Variants in DIAPH1 observed in about 807,000 individuals in gnomAD.
The protein encoded by DIAPH1 is diaphanous related formin 1.
DIAPH1 carries 46 observed loss-of-function variants against 140.7 expected under a neutral mutation model. The ratio of observed to expected loss-of-function variants is 0.33; its 90% CI spans 0.26 to 0.42. The LOEUF (loss-of-function observed/expected upper bound fraction) is 0.42. DIAPH1 is among the 10% of genes least tolerant of loss of function. The probability of loss-of-function intolerance (pLI) is 1.00; values close to 1 mark genes in which losing one functional copy is unlikely to be tolerated. For missense variants in DIAPH1, 1,310 were observed against 1,558.7 expected (o/e 0.84, Z 2.69); for synonymous variants, 565 against 551.6 (o/e 1.02, Z -0.34).
chr5:141,558,470 G>C (rs1366439284), intron 18 of DIAPH1: 2 of 152,154 alleles, frequency 1.3e-5, no homozygotes, highest in African/African-American at 4.8e-5. Flanking sequence ...TGGAAACTAC[G>C]TTCTTAAAGA....
At chr5:141,517,680 G>C (rs1286742295) in intron 27 of DIAPH1, among the ~76,000 whole-genome samples, 1 of 151,990 alleles carries the variant, frequency 6.6e-6, no homozygotes, top group Admixed American at 6.6e-5. Context: ...GGCATGGCGG[G>C]GGGGAGGTAG....
At chr5:141,561,586 T>C (rs1283987494) in intron 18 of DIAPH1, among the ~76,000 whole-genome samples, 1 of 152,148 alleles carries the variant, frequency 6.6e-6, no homozygotes, top group African/African-American at 2.4e-5. Context: ...TTTTTCATTA[T>C]AAAAACAATA....
At chr5:141,529,977 G>A (rs1003003552) in intron 19 of DIAPH1, among the ~76,000 whole-genome samples, 2 of 152,234 alleles carry the variant, frequency 1.3e-5, no homozygotes, top group South Asian at 2.1e-4. Context: ...CCAGCTGCTC[G>A]GCAGGCTGAG....
rs192251010 is a variant in DIAPH1, at chr5:141,583,158, C to G, written c.620+48G>C. ...TCTCCTTCAGAGCAAATAGCCAAGT[C>G]CCCTGTGACTCTCCAACTTGAAGTT... On this transcript the variant is annotated intron_variant, in intron 6 of 27. Transcript: ENST00000389054. 979 of 1,513,514 alleles carry G rather than the reference C, an allele frequency of 6.5e-4. 5 individuals are homozygous for G. Among genetic ancestry groups the G allele is most frequent in the South Asian group, 2.8e-3 (248 of 89,012 alleles). 93.8% of individuals were successfully genotyped at this position (1,513,514 alleles called of 1,614,324 possible).
chr5:141,575,248 G>A, intron 14 of DIAPH1, 102 bp from the exon 15 acceptor site: 1 of 1,227,920 alleles, frequency 8.1e-7, no homozygotes, highest in Non-Finnish European at 1.2e-6. Flanking sequence ...TTGCCTGGGG[G>A]TGCTGGAATC....
At chr5:141,597,765 T>A (rs539778245) in intron 1 of DIAPH1, among the ~76,000 whole-genome samples, 1 of 152,334 alleles carries the variant, frequency 6.6e-6, no homozygotes, top group East Asian at 1.9e-4. Flanking sequence ...CTGACCCAGA[T>A]GGTTGGCCTG....
intron 1 of DIAPH1, 37 bp from the exon 2 acceptor site, chr5:141,588,287 G>A (rs1562334499): frequency 6.5e-7 from 1 of 1,527,938 alleles, no homozygotes; most frequent in South Asian, 1.1e-5. Flanking sequence ...AGAAAGAAGA[G>A]AAATCAGTGA....
chr5:141,532,572 C>T (rs549946743), intron 19 of DIAPH1, among the ~76,000 whole-genome samples: 1 of 152,310 alleles, frequency 6.6e-6, no homozygotes, highest in Admixed American at 6.5e-5. Context: ...TTAGATCCCT[C>T]CCTTCCTAGT....
intron 1 of DIAPH1, among the ~76,000 whole-genome samples, chr5:141,602,282 T>C (rs1030717439): frequency 9.2e-5 from 14 of 152,172 alleles, no homozygotes; most frequent in African/African-American, 3.4e-4. Context: ...AGTGGCGCAA[T>C]CTTGGCTCAC....
chr5:141,578,427 T>G (rs536146123), intron 10 of DIAPH1, 84 bp from the exon 11 acceptor site: 2 of 1,548,830 alleles, frequency 1.3e-6, no homozygotes, highest in Admixed American at 3.3e-5. Context: ...TGGTTTTTAA[T>G]TGAAAACCAG....
chr5:141,566,620 C>A (rs2099894412), intron 18 of DIAPH1, among the ~76,000 whole-genome samples: 1 of 152,142 alleles, frequency 6.6e-6, no homozygotes. Flanking sequence ...ATGGGCTGGG[C>A]CTAGTGGCTC....
Position 141,578,501 on chromosome 5 carries a change from G to T in DIAPH1, c.1044+14C>A. 1.2e-6 allele frequency: 2 copies of T among 1,601,154 alleles called. No homozygotes were observed. Among genetic ancestry groups the T allele is most frequent in the Non-Finnish European group, 1.7e-6 (2 of 1,168,182 alleles). On this transcript the variant is annotated intron_variant, in intron 10 of 27. Coordinates refer to ENST00000389054, the MANE Select transcript of DIAPH1 (RefSeq NM_005219.5). The stretch of plus-strand genomic sequence containing the variant: ...GAACCAGTCTAGCCTTTCTAATGAA[G>T]TGTAATATCTTACCTGCAACACCTG...
chr5:141,552,285 G>C (rs1172086892), intron 18 of DIAPH1, among the ~76,000 whole-genome samples: 4 of 151,972 alleles, frequency 2.6e-5, no homozygotes, highest in Admixed American at 6.5e-5. Flanking sequence ...AAATTCCTGG[G>C]CTCAAGCAAT....
intron 1 of DIAPH1, among the ~76,000 whole-genome samples, chr5:141,589,873 A>G (rs777387186): frequency 3.3e-5 from 5 of 152,220 alleles, no homozygotes; most frequent in Non-Finnish European, 5.9e-5. Flanking sequence ...CTAATTTTAA[A>G]CAATATTTCT....
At chr5:141,604,521 ATGATG>A (rs1249593875) in intron 1 of DIAPH1, among the ~76,000 whole-genome samples, 4 of 152,140 alleles carry the variant, frequency 2.6e-5, no homozygotes, top group Admixed American at 2.6e-4. Flanking sequence ...CTCCCATGTT[ATGATG>A]TGAGTAGCAG....
intron 1 of DIAPH1, among the ~76,000 whole-genome samples, chr5:141,594,816 G>A (rs1272207911): frequency 1.3e-5 from 2 of 151,740 alleles, no homozygotes; most frequent in African/African-American, 4.8e-5. Flanking sequence ...TGAGGCAGGT[G>A]GATTCCCTGA....
In DIAPH1 at chr5:141,573,958, G is replaced by T. The variant is rs1562320882; in HGVS notation, c.1892C>A (p.Pro631His). ...GATAGCAGTACCTCCAGGTAAAGAA[G>T]GGGGTGAGGAGATGCAAACACCCCC... ...LPGGVCISSP[P>H]SLPGGTAISP... The change falls in exon 16 of 28, where the codon CCT (proline) becomes CAT (histidine). Residue 631 changes from proline (P) to histidine (H), a missense_variant. This residue lies in a region of DIAPH1 where 589 missense variants were observed against 549.3 expected (regional missense o/e 1.07). Transcript: ENST00000389054. 4 of 1,552,328 alleles carry T rather than the reference G, an allele frequency of 2.6e-6. No individual in the cohort carries two copies. Among genetic ancestry groups the T allele is most frequent in the Non-Finnish European group, 3.5e-6 (4 of 1,147,866 alleles).
chr5:141,544,378 G>T (rs371204903), intron 18 of DIAPH1, among the ~76,000 whole-genome samples: 4 of 152,058 alleles, frequency 2.6e-5, no homozygotes, highest in African/African-American at 7.2e-5. Flanking sequence ...TGATGAAGCA[G>T]ACTTCATCAA....
intron 18 of DIAPH1, among the ~76,000 whole-genome samples, chr5:141,560,077 A>G (rs191762798): frequency 6.6e-4 from 100 of 152,354 alleles, no homozygotes; most frequent in Non-Finnish European, 5.9e-5. Flanking sequence ...TGAAACCATT[A>G]TCACACTAAT....
Sources: allele counts gnomAD v4.1 joint callset (sites outside exome capture counted in the v4.1 genomes callset), GRCh38; gene constraint gnomAD v4.1.1; regional missense constraint gnomAD v4.1.1; transcripts MANE v1.5; gene names NCBI Gene and HGNC (gene_info 2026-07-23, HGNC 2026-07-21).